The following NPLOC4 variants were observed in gnomAD, a reference collection of about 807,000 sequenced individuals.
NPLOC4 encodes nuclear protein localization protein 4 homolog.
Under a neutral mutation model 80.6 loss-of-function variants are expected in NPLOC4, and 18 were observed. The observed-to-expected ratio is 0.22, with a 90% CI of 0.15 to 0.33. The LOEUF (loss-of-function observed/expected upper bound fraction) is 0.33. NPLOC4 is among the 10% of genes least tolerant of loss of function. The pLI is 1.00. For synonymous variants in NPLOC4, 313 were observed against 301.5 expected (o/e 1.04, Z -0.39); for missense variants, 540 against 786.1 (o/e 0.69, Z 3.74).
intron 11 of NPLOC4, among the ~76,000 whole-genome samples, chr17:81,592,990 T>C (rs1357653730): frequency 6.6e-6 from 1 of 151,834 alleles, no homozygotes; most frequent in African/African-American, 2.4e-5. Context: ...CAAAAAAAAT[T>C]AAAAATAAAA....
intron 12 of NPLOC4, among the ~76,000 whole-genome samples, chr17:81,583,027 C>T (rs867430084): frequency 6.6e-6 from 1 of 152,294 alleles, no homozygotes; most frequent in South Asian, 2.1e-4. Flanking sequence ...TGCGCCAGCA[C>T]AGCAGCCACT....
At chr17:81,617,910 C>T (rs1346405538) in intron 3 of NPLOC4, among the ~76,000 whole-genome samples, 4 of 152,224 alleles carry the variant, frequency 2.6e-5, no homozygotes, top group Non-Finnish European at 2.9e-5. Context: ...CCGCCAGCCT[C>T]GGCCTCCCGA....
intron 3 of NPLOC4, among the ~76,000 whole-genome samples, chr17:81,618,603 A>G (rs146426825): frequency 3.1e-5 from 4 of 128,620 alleles, no homozygotes; most frequent in Non-Finnish European, 4.9e-5. Context: ...GCCCCCGCCC[A>G]GCCAGCCGCC....
intron 1 of NPLOC4, among the ~76,000 whole-genome samples, chr17:81,635,920 C>A (rs938308237): frequency 7.9e-5 from 7 of 88,888 alleles, no homozygotes; most frequent in African/African-American, 4.3e-4. Context: ...TAACGAGGGA[C>A]TGGTTTTCTG....
intron 5 of NPLOC4, among the ~76,000 whole-genome samples, chr17:81,609,472 A>G (rs1022392259): frequency 2.0e-5 from 3 of 151,990 alleles, no homozygotes; most frequent in African/African-American, 4.8e-5. Flanking sequence ...ACACCCAGCT[A>G]ATTTTTTAAA....
intron 3 of NPLOC4, among the ~76,000 whole-genome samples, chr17:81,617,653 CA>C: frequency 6.7e-6 from 1 of 150,274 alleles, no homozygotes; most frequent in African/African-American, 2.5e-5. Flanking sequence ...ATTAAAAACA[CA>C]AAAAATGCCC....
At chr17:81,629,835 C>T in intron 1 of NPLOC4, 30 bp from the exon 2 acceptor site, 1 of 1,522,750 alleles carries the variant, frequency 6.6e-7, no homozygotes, top group Non-Finnish European at 9.1e-7. Context: ...ATGGTTACTG[C>T]ACAGCCTAGT....
At chr17:81,606,857 G>A (rs1481008624) in intron 6 of NPLOC4, 43 bp from the exon 7 acceptor site, 1 of 1,587,606 alleles carries the variant, frequency 6.3e-7, no homozygotes, top group Non-Finnish European at 8.6e-7. Flanking sequence ...TTGGTGAAAA[G>A]TTGAGCAAGA....
At chr17:81,596,293 T>G in intron 10 of NPLOC4, 51 bp from the exon 11 acceptor site, 1 of 1,571,302 alleles carries the variant, frequency 6.4e-7, no homozygotes, top group Non-Finnish European at 8.7e-7. Flanking sequence ...TGCCAAAATA[T>G]ACTTCTATTT....
intron 9 of NPLOC4, among the ~76,000 whole-genome samples, chr17:81,599,530 T>C (rs1038010842): frequency 7.9e-5 from 12 of 152,234 alleles, no homozygotes; most frequent in Admixed American, 7.9e-4. Context: ...GACTGCTCAC[T>C]GACACTACTA....
rs775360765 is a variant in NPLOC4, at chr17:81,577,262, T to G, written c.1282-5174A>C. Reference sequence around the variant, plus strand: ...CATCACTGTGTAGTCCTCGCCAGACTGCCTGTCCGCACAGCTCTCCAGACA... The same window carrying G: ...CATCACTGTGTAGTCCTCGCCAGACGGCCTGTCCGCACAGCTCTCCAGACA... On this transcript the variant is annotated intron_variant, in intron 12 of 16. Coordinates refer to ENST00000331134, the MANE Select transcript of NPLOC4 (RefSeq NM_017921.4). This position sits in a 1 kb window ranked among gnomAD's most constrained non-coding sequence, Gnocchi z 4.3. Among the ~76,000 whole-genome samples, 14 of 152,020 alleles carry G rather than the reference T, an allele frequency of 9.2e-5. No individual in the cohort carries two copies. Among genetic ancestry groups the G allele is most frequent in the South Asian group, 2.1e-4 (1 of 4,820 alleles).
At chr17:81,576,702 G>A (rs2034312565) in intron 12 of NPLOC4, among the ~76,000 whole-genome samples, 1 of 152,148 alleles carries the variant, frequency 6.6e-6, no homozygotes, top group African/African-American at 2.4e-5. Context: ...CCTCACAAAT[G>A]AATGCCAAAA....
chr17:81,575,249 G>A (rs1444414737), intron 12 of NPLOC4, among the ~76,000 whole-genome samples: 3 of 152,058 alleles, frequency 2.0e-5, no homozygotes, highest in Non-Finnish European at 1.5e-5. Flanking sequence ...ACAGGTGCCC[G>A]CCACCACGCC....
intron 4 of NPLOC4, among the ~76,000 whole-genome samples, chr17:81,612,200 G>C (rs780313601): frequency 6.6e-6 from 1 of 152,122 alleles, no homozygotes; most frequent in South Asian, 2.1e-4. Flanking sequence ...TGGTTTACGA[G>C]GGCGCCGGCG....
chr17:81,630,832 G>A (rs949586508), intron 1 of NPLOC4, among the ~76,000 whole-genome samples: 1 of 151,970 alleles, frequency 6.6e-6, no homozygotes, highest in African/African-American at 2.4e-5. Context: ...AGCCAAGATG[G>A]TGCCACTGCA....
intron 13 of NPLOC4, 97 bp downstream of exon 13, chr17:81,571,920 T>C: frequency 2.4e-6 from 2 of 822,522 alleles, no homozygotes; most frequent in South Asian, 2.6e-5. Flanking sequence ...GTGCCTTAAA[T>C]TGCAGCCTCC....
At chr17:81,614,614 G>C (rs1189696131) in intron 3 of NPLOC4, among the ~76,000 whole-genome samples, 1 of 150,528 alleles carries the variant, frequency 6.6e-6, no homozygotes, top group Admixed American at 6.7e-5. Flanking sequence ...TTTCCAAAAA[G>C]GTTGCCACAA....
chr17:81,568,885 G>A, intron 14 of NPLOC4, 131 bp downstream of exon 14: 1 of 658,964 alleles, frequency 1.5e-6, no homozygotes, highest in South Asian at 1.9e-5. Context: ...CCCACAGTAG[G>A]CCCTAGCTGG....
intron 12 of NPLOC4, among the ~76,000 whole-genome samples, chr17:81,586,034 C>T (rs2034574492): frequency 6.6e-6 from 1 of 152,110 alleles, no homozygotes; most frequent in Admixed American, 6.5e-5. Context: ...CATGTAATCC[C>T]AGCACTCTGT....
Sources: gnomAD v4.1 joint callset for allele counts (sites outside exome capture counted in the v4.1 genomes callset) on GRCh38, gnomAD v4.1.1 for gene constraint, Gnocchi (gnomAD v3.1) non-coding constraint, MANE v1.5 for transcripts, NCBI Gene and HGNC (gene_info 2026-07-23, HGNC 2026-07-21) for gene names.